Variants in REEP3 observed in about 807,000 individuals in gnomAD.
The protein encoded by REEP3 is receptor accessory protein 3, also known as receptor expression-enhancing protein 3.
REEP3 carries 20 observed loss-of-function variants against 41.3 expected under a neutral mutation model. That is an observed-to-expected ratio of 0.48 (90% CI 0.34 to 0.70). The LOEUF (loss-of-function observed/expected upper bound fraction) is 0.70, where lower values mean the gene tolerates loss of function less well. Ranked by LOEUF, REEP3 falls within the 30% of genes least tolerant of loss-of-function variation. REEP3 has a pLI of 0.01. For missense variants in REEP3, 271 were observed against 308.8 expected, an observed-to-expected ratio of 0.88 and a Z score of 0.92; for synonymous variants, 104 against 101.8, an observed-to-expected ratio of 1.02 and a Z score of -0.13.
At chr10:63,549,966 A>G (rs1955613133) in intron 1 of REEP3, among the ~76,000 whole-genome samples, 1 of 152,202 alleles carries the variant, frequency 6.6e-6, no homozygotes, top group East Asian at 1.9e-4. Flanking sequence ...ACTCCCACAG[A>G]GGCTGGCCAG....
intron 1 of REEP3, among the ~76,000 whole-genome samples, chr10:63,532,222 T>G (rs1955427405): frequency 6.6e-6 from 1 of 152,138 alleles, no homozygotes; most frequent in Non-Finnish European, 1.5e-5. Context: ...ATCAAGGAAA[T>G]CATAAAAGTA....
At chr10:63,547,551 G>A (rs1466700805) in intron 1 of REEP3, among the ~76,000 whole-genome samples, 2 of 152,138 alleles carry the variant, frequency 1.3e-5, no homozygotes, top group Non-Finnish European at 2.9e-5. Context: ...ATTATGTAAT[G>A]CTGGACCACA....
At chr10:63,535,135 A>G (rs1405831260) in intron 1 of REEP3, among the ~76,000 whole-genome samples, 2 of 152,184 alleles carry the variant, frequency 1.3e-5, no homozygotes, top group African/African-American at 4.8e-5. Context: ...TTCAAAACTA[A>G]CAGAAGAGAG....
At chr10:63,572,098 C>T (rs1955857914) in intron 2 of REEP3, among the ~76,000 whole-genome samples, 1 of 152,088 alleles carries the variant, frequency 6.6e-6, no homozygotes, top group South Asian at 2.1e-4. Context: ...GCATTGAAAT[C>T]ACATGTGAAC....
chr10:63,610,371 T>C, intron 6 of REEP3, 37 bp downstream of exon 6: 1 of 1,534,886 alleles, frequency 6.5e-7, no homozygotes, highest in South Asian at 1.2e-5. Flanking sequence ...TTCTTTTACA[T>C]GGAAACAGGG....
intron 1 of REEP3, among the ~76,000 whole-genome samples, chr10:63,557,560 G>T (rs1460459223): frequency 6.6e-6 from 1 of 152,098 alleles, no homozygotes; most frequent in Admixed American, 6.5e-5. Context: ...CAACAACAAA[G>T]AAGAAGCTCT....
chr10:63,606,101 T>C (rs568322619), intron 5 of REEP3: 29 of 957,824 alleles, frequency 3.0e-5, no homozygotes, highest in Non-Finnish European at 3.5e-5. Context: ...TTACTTTGAT[T>C]GTTAGGATCA....
At chr10:63,524,435 A>G (rs1409825582) in intron 1 of REEP3, among the ~76,000 whole-genome samples, 4 of 147,610 alleles carry the variant, frequency 2.7e-5, no homozygotes, top group Middle Eastern at 3.5e-3. Flanking sequence ...CCTGGACACC[A>G]CTCTTTTTTT....
chr10:63,535,611 T>G (rs959734167), intron 1 of REEP3, among the ~76,000 whole-genome samples: 1 of 152,182 alleles, frequency 6.6e-6, no homozygotes. Context: ...ATGTAGGAAT[T>G]ACAACCTTGT....
intron 5 of REEP3, among the ~76,000 whole-genome samples, chr10:63,609,707 C>T (rs1433783946): frequency 6.6e-6 from 1 of 152,048 alleles, no homozygotes; most frequent in East Asian, 1.9e-4. Flanking sequence ...GTTGCAGTAG[C>T]CAAGATCACG....
chr10:63,541,637 G>GT lies in REEP3; in HGVS notation c.32+20070dup, dbSNP rs147232123. ...TAACATACTTATTCTATCCAGAGAAGTTTTTTTTTTGAAGGTTAATAAACT... is the reference window on the plus strand; with the variant it reads ...TAACATACTTATTCTATCCAGAGAAGTTTTTTTTTTTGAAGGTTAATAAACT... On this transcript the variant is annotated intron_variant, in intron 1 of 7. Transcript: ENST00000373758. 7.2e-4 allele frequency among the ~76,000 whole-genome samples: 108 copies of GT among 149,980 alleles called. No homozygotes were observed. The East Asian group carries it at 0.013, about 18-fold the overall frequency.
chr10:63,604,035 T>G (rs150796415), intron 5 of REEP3, among the ~76,000 whole-genome samples: 2 of 152,322 alleles, frequency 1.3e-5, no homozygotes, highest in East Asian at 3.9e-4. Flanking sequence ...ATATATAGTT[T>G]GTTTAAAGTA....
Position 63,623,017 on chromosome 10 carries a change from C to T in REEP3, c.*2148C>T, listed in dbSNP as rs564595176. ...ACCGCACCCAGCCACCATTTTATCT[C>T]TCTAAAGTCTGGTCCCAGTATTAAA... On this transcript the variant is annotated 3_prime_UTR_variant, in exon 8 of 8. Coordinates refer to ENST00000373758, the MANE Select transcript of REEP3 (RefSeq NM_001001330.3). The T allele has an allele frequency of 1.3e-5, 2 of 152,284 alleles. No individual in the cohort carries two copies. The highest frequency in any genetic ancestry group is 2.9e-5 in the Non-Finnish European group (2 of 68,026). 9.4% of individuals were successfully genotyped at this position (152,284 alleles called of 1,614,324 possible).
chr10:63,603,271 C>T (rs559602923), intron 5 of REEP3, among the ~76,000 whole-genome samples: 1 of 144,780 alleles, frequency 6.9e-6, no homozygotes, highest in Admixed American at 7.0e-5. Flanking sequence ...CGAGATCGCG[C>T]CACTGCACTC....
chr10:63,526,090 A>G (rs1955361888), intron 1 of REEP3, among the ~76,000 whole-genome samples: 1 of 152,244 alleles, frequency 6.6e-6, no homozygotes, highest in South Asian at 2.1e-4. Context: ...AGTATCTTCA[A>G]TATACATTTT....
At chr10:63,574,847 CTTTTTTTTT>C (rs56001048) in intron 2 of REEP3, among the ~76,000 whole-genome samples, 1 of 58,890 alleles carries the variant, frequency 1.7e-5, no homozygotes, top group African/African-American at 6.3e-5. Flanking sequence ...AGGTCAATTT[CTTTTTTTTT>C]TTTTTTTTTT....
chr10:63,612,720 G>A (rs187514425), intron 6 of REEP3, among the ~76,000 whole-genome samples: 48 of 151,968 alleles, frequency 3.2e-4, no homozygotes, highest in Admixed American at 5.9e-4. Flanking sequence ...GAACCCAGGA[G>A]GCAAAGGCTG....
At chr10:63,586,705 T>G (rs1461185363) in intron 2 of REEP3, among the ~76,000 whole-genome samples, 2 of 152,194 alleles carry the variant, frequency 1.3e-5, no homozygotes, top group Non-Finnish European at 2.9e-5. Context: ...TAATTTTTTA[T>G]GGTAGGGGTA....
In REEP3 at chr10:63,589,453, A is replaced by G. The variant is rs75974033; in HGVS notation, c.106-5325A>G. On this transcript the variant is annotated intron_variant, in intron 2 of 7. Coordinates refer to ENST00000373758, the MANE Select transcript of REEP3 (RefSeq NM_001001330.3). ...GGTTTGGCCCATGAGAGGCCCCTGC[A>G]CAAGATCAGAAGACAGGAAAAGCAT... Among the ~76,000 whole-genome samples, 1,045 of 152,198 alleles carry G rather than the reference A, an allele frequency of 6.9e-3. 6 individuals are homozygous for G. The highest frequency in any genetic ancestry group is 0.02 in the African/African-American group (825 of 41,536).
Sources: allele counts gnomAD v4.1 joint callset (sites outside exome capture counted in the v4.1 genomes callset), GRCh38; gene constraint gnomAD v4.1.1; transcripts MANE v1.5; gene names NCBI Gene and HGNC (gene_info 2026-07-23, HGNC 2026-07-21).